The following ARHGAP25 variants were observed in gnomAD, a reference collection of about 807,000 sequenced individuals.
The protein encoded by ARHGAP25 is Rho GTPase activating protein 25, also known as rho GTPase-activating protein 25.
ARHGAP25 carries 34 observed loss-of-function variants against 71.0 expected under a neutral mutation model. That is an observed-to-expected ratio of 0.48 (90% CI 0.36 to 0.64). The LOEUF (loss-of-function observed/expected upper bound fraction) is 0.64, where lower values mean the gene tolerates loss of function less well. ARHGAP25 is among the 30% of genes least tolerant of loss of function. The pLI, the probability that ARHGAP25 is intolerant of heterozygous loss-of-function variation, is 0.00. For missense variants in ARHGAP25, 706 were observed against 805.1 expected, an observed-to-expected ratio of 0.88 and a Z score of 1.49; for synonymous variants, 282 against 296.5, an observed-to-expected ratio of 0.95 and a Z score of 0.50.
chr2:68,805,049 C>T (rs1680265204), intron 4 of ARHGAP25, among the ~76,000 whole-genome samples: 1 of 152,106 alleles, frequency 6.6e-6, no homozygotes. Context: ...ATCTGGATGT[C>T]AGGAAGGCAT....
At chr2:68,773,619 T>A (rs778002192) in intron 1 of ARHGAP25, among the ~76,000 whole-genome samples, 15 of 152,200 alleles carry the variant, frequency 9.9e-5, no homozygotes, top group Non-Finnish European at 1.8e-4. Context: ...TGGACTCATG[T>A]AACAAACCAG....
In ARHGAP25 at chr2:68,819,258, C is replaced by T; in HGVS notation, c.1139C>T (p.Ser380Phe). 5 of 1,614,194 alleles carry T rather than the reference C, an allele frequency of 3.1e-6. No individual in the cohort carries two copies. The highest frequency in any genetic ancestry group is 4.2e-6 in the Non-Finnish European group (5 of 1,180,030). Residue 380 changes from serine (S) to phenylalanine (F), a missense_variant, in exon 9 of 11, where the codon TCT becomes TTT. Transcript: ENST00000409202. ...AAGAAAGCTCCAGTGGCCCGAAGCT[C>T]TGTAGGCTGGGATGCCACTGAAGAC... is the stretch of plus-strand genomic sequence containing the variant. ...DPKKAPVARS[S>F]VGWDATEDLR...
At chr2:68,791,871 T>C (rs549140102) in intron 4 of ARHGAP25, among the ~76,000 whole-genome samples, 3 of 152,278 alleles carry the variant, frequency 2.0e-5, no homozygotes, top group Admixed American at 1.3e-4. Context: ...CCTCTCACTT[T>C]AGAGGGCAGC....
At chr2:68,770,470 C>A (rs1356230683) in intron 1 of ARHGAP25, among the ~76,000 whole-genome samples, 3 of 152,180 alleles carry the variant, frequency 2.0e-5, no homozygotes, top group Non-Finnish European at 4.4e-5. Context: ...GGAATCTAGA[C>A]TGAGTCAGAA....
intron 4 of ARHGAP25, among the ~76,000 whole-genome samples, chr2:68,803,931 G>C (rs1382516063): frequency 6.6e-6 from 1 of 152,186 alleles, no homozygotes; most frequent in Non-Finnish European, 1.5e-5. Context: ...GAGATTGGAA[G>C]GATAAATTTC....
chr2:68,819,516 G>T, intron 9 of ARHGAP25, 197 bp downstream of exon 9: 1 of 710,084 alleles, frequency 1.4e-6, no homozygotes, highest in Non-Finnish European at 2.5e-6. Context: ...TGGCATCTTT[G>T]AGGGGGGTGA....
chr2:68,724,218 C>T (rs1333053882), intron 2 of ARHGAP25, among the ~76,000 whole-genome samples: 1 of 152,120 alleles, frequency 6.6e-6, no homozygotes, highest in African/African-American at 2.4e-5. Flanking sequence ...GAGAAAGCCT[C>T]AGTCTCTCCT....
At chr2:68,770,300 G>A (rs1677399966) in intron 1 of ARHGAP25, among the ~76,000 whole-genome samples, 1 of 152,134 alleles carries the variant, frequency 6.6e-6, no homozygotes, top group African/African-American at 2.4e-5. Flanking sequence ...AGGGCTGGGG[G>A]AAGCCATGCA....
At chr2:68,765,857 T>TA (rs1381676589) in intron 1 of ARHGAP25, among the ~76,000 whole-genome samples, 2 of 152,202 alleles carry the variant, frequency 1.3e-5, no homozygotes, top group Non-Finnish European at 2.9e-5. Context: ...TGTTAAAGTT[T>TA]AAAATCACTG....
At chr2:68,771,328 C>G (rs941075604) in intron 1 of ARHGAP25, among the ~76,000 whole-genome samples, 7 of 152,198 alleles carry the variant, frequency 4.6e-5, no homozygotes. Flanking sequence ...CTGGTTCAGA[C>G]CTGCTTCCTG....
At chr2:68,717,521 G>A (rs964910833) in intron 2 of ARHGAP25, among the ~76,000 whole-genome samples, 1 of 152,216 alleles carries the variant, frequency 6.6e-6, no homozygotes, top group Non-Finnish European at 1.5e-5. Flanking sequence ...TGACAGGTTT[G>A]TGGAGTTGAG....
intron 2 of ARHGAP25, among the ~76,000 whole-genome samples, chr2:68,780,989 G>A (rs751127608): frequency 4.6e-5 from 7 of 152,170 alleles, no homozygotes; most frequent in African/African-American, 1.2e-4. Flanking sequence ...ATGTTACTTT[G>A]TGCAGTCACT....
chr2:68,778,271 C>G (rs772151764), intron 2 of ARHGAP25, among the ~76,000 whole-genome samples: 1 of 151,820 alleles, frequency 6.6e-6, no homozygotes, highest in Non-Finnish European at 1.5e-5. Flanking sequence ...CTAATTAATA[C>G]TTTTTGAAAT....
intron 1 of ARHGAP25, among the ~76,000 whole-genome samples, chr2:68,762,372 T>C (rs1359262827): frequency 1.3e-5 from 2 of 152,146 alleles, no homozygotes; most frequent in South Asian, 2.1e-4. Context: ...AAAAATAAGA[T>C]AGTAAATTTT....
At chr2:68,806,991 C>T (rs1680420562) in intron 4 of ARHGAP25, among the ~76,000 whole-genome samples, 1 of 152,118 alleles carries the variant, frequency 6.6e-6, no homozygotes, top group Non-Finnish European at 1.5e-5. Flanking sequence ...GGTTAAAGGA[C>T]AAAAAGTGTG....
intron 4 of ARHGAP25, among the ~76,000 whole-genome samples, chr2:68,793,616 T>G (rs1679343071): frequency 6.6e-6 from 1 of 152,176 alleles, no homozygotes; most frequent in Admixed American, 6.5e-5. Flanking sequence ...GGTTCTCTAT[T>G]CTGTTCCATT....
chr2:68,746,553 G>T (rs1423091034), intron 1 of ARHGAP25, among the ~76,000 whole-genome samples: 1 of 152,152 alleles, frequency 6.6e-6, no homozygotes, highest in African/African-American at 2.4e-5. Context: ...TGGTTTTTCT[G>T]CAGACGGTTG....
In ARHGAP25 at chr2:68,735,196, CA is replaced by C; in HGVS notation, c.1del. On this transcript the variant is annotated 5_prime_UTR_variant, in exon 1 of 11. Coordinates refer to ENST00000409202, the MANE Select transcript of ARHGAP25 (RefSeq NM_001007231.3). ...ACTAACTACTCACTTAAACTGGAAG[CA>C]AAATGTCCCTAAAATTGCCAAGGAA... The C allele has an allele frequency of 6.2e-7, 1 of 1,613,868 alleles. No homozygotes were observed. The highest frequency in any genetic ancestry group is 8.5e-7 in the Non-Finnish European group (1 of 1,179,718).
At chr2:68,730,480 A>G (rs1573385049), upstream of ARHGAP25, among the ~76,000 whole-genome samples, 1 of 151,948 alleles carries the variant, frequency 6.6e-6, no homozygotes, top group East Asian at 1.9e-4. Context: ...CCCCATCTCT[A>G]CAGAACGAGT....
Sources: allele counts gnomAD v4.1 joint callset (sites outside exome capture counted in the v4.1 genomes callset), GRCh38; gene constraint gnomAD v4.1.1; transcripts MANE v1.5; gene names NCBI Gene and HGNC (gene_info 2026-07-23, HGNC 2026-07-21).